GRM4: variants seen among roughly 807,000 people sequenced by gnomAD.
GRM4 encodes glutamate metabotropic receptor 4.
Under a neutral mutation model 81.7 loss-of-function variants are expected in GRM4, and 28 were observed. The ratio of observed to expected loss-of-function variants is 0.34; its 90% CI spans 0.25 to 0.47. The LOEUF (loss-of-function observed/expected upper bound fraction) is 0.47. Among genes scored for constraint, GRM4 ranks in the 20% least tolerant of loss-of-function variants. The pLI is 1.00. For synonymous variants in GRM4, 488 were observed against 528.8 expected (o/e 0.92, Z 1.06); for missense variants, 948 against 1,290.0 (o/e 0.73, Z 4.06).
At chr6:34,134,761 G>T (rs973359206) in intron 1 of GRM4, among the ~76,000 whole-genome samples, 1 of 151,076 alleles carries the variant, frequency 6.6e-6, no homozygotes, top group African/African-American at 2.4e-5. Flanking sequence ...AGCGGGGCTC[G>T]GGTTATGGCC....
chr6:34,103,700 T>C (rs1768968596), intron 2 of GRM4: 2 of 1,528,384 alleles, frequency 1.3e-6, no homozygotes, highest in African/African-American at 1.4e-5. Flanking sequence ...GGCACAGCCA[T>C]GCCCCCTTTT....
intron 10 of GRM4, among the ~76,000 whole-genome samples, chr6:34,025,686 C>T (rs1449167704): frequency 1.3e-5 from 2 of 152,136 alleles, no homozygotes; most frequent in Admixed American, 6.6e-5. Context: ...AAAGGTTCAC[C>T]GGAAGTCAGG....
At chr6:34,154,025 G>A (rs1771098121) in intron 1 of GRM4, among the ~76,000 whole-genome samples, 2 of 152,174 alleles carry the variant, frequency 1.3e-5, no homozygotes, top group South Asian at 4.1e-4. Flanking sequence ...GACTGTCTGT[G>A]GGTGCGGGCT....
At chr6:34,041,118 G>A (rs1269441007) in intron 6 of GRM4, among the ~76,000 whole-genome samples, 3 of 152,044 alleles carry the variant, frequency 2.0e-5, no homozygotes, top group Non-Finnish European at 4.4e-5. Flanking sequence ...CCTGGCCTGG[G>A]ATAATCTTGA....
chr6:34,118,865 T>A (rs1299170239), intron 2 of GRM4, among the ~76,000 whole-genome samples: 1 of 152,200 alleles, frequency 6.6e-6, no homozygotes. Context: ...ACATCTTCAG[T>A]AAACATTTAC....
chr6:34,023,306 T>TA (rs1478992303), intron 10 of GRM4, among the ~76,000 whole-genome samples: 5 of 152,202 alleles, frequency 3.3e-5, no homozygotes, highest in Non-Finnish European at 7.3e-5. Flanking sequence ...CATATAACCT[T>TA]AAAATATTAT....
At chr6:34,105,745 C>T (rs557342213) in intron 2 of GRM4, among the ~76,000 whole-genome samples, 65 of 152,284 alleles carry the variant, frequency 4.3e-4, no homozygotes, top group Non-Finnish European at 9.4e-4. Context: ...CAATGGGTGT[C>T]GCAAATTCAG....
intron 2 of GRM4, among the ~76,000 whole-genome samples, chr6:34,102,356 G>C (rs1288166221): frequency 1.3e-5 from 2 of 152,164 alleles, no homozygotes; most frequent in Non-Finnish European, 2.9e-5. Flanking sequence ...GCCACTCCCA[G>C]CTTGGCCTCA....
intron 10 of GRM4, among the ~76,000 whole-genome samples, chr6:34,026,108 C>G (rs1011280652): frequency 1.8e-4 from 28 of 152,212 alleles, no homozygotes; most frequent in African/African-American, 6.5e-4. Context: ...CCGTTTGTCA[C>G]CCCTTGTCTC....
rs1770211559 is a variant in GRM4, at chr6:34,130,999, C to T, written c.519+1979G>A. On this transcript the variant is annotated intron_variant, in intron 2 of 10. Coordinates refer to ENST00000538487, the MANE Select transcript of GRM4 (RefSeq NM_000841.4). This position sits in a 1 kb window ranked among gnomAD's most constrained non-coding sequence, Gnocchi z 4.1. ...AGGCTTGTCCCCTCTGCTGGATGGC[C>T]CAGGCTGCCTCAGCTCCCAGGCCAG... Among the ~76,000 whole-genome samples, 3 of 152,226 alleles carry T rather than the reference C, an allele frequency of 2.0e-5. No homozygotes were observed. The South Asian group carries it at 6.2e-4, about 31-fold the overall frequency.
intron 2 of GRM4, among the ~76,000 whole-genome samples, chr6:34,128,363 C>CTTTTTTT: frequency 6.9e-6 from 1 of 145,188 alleles, no homozygotes; most frequent in East Asian, 2.0e-4. Flanking sequence ...GACCTTAACT[C>CTTTTTTT]TTTTTTTTTT....
intron 2 of GRM4, chr6:34,103,953 G>A: frequency 1.1e-6 from 1 of 875,438 alleles, no homozygotes; most frequent in Non-Finnish European, 1.5e-6. Flanking sequence ...TCACACACAG[G>A]AGGTGCGACA....
chr6:34,118,769 T>C (rs527387707), intron 2 of GRM4, among the ~76,000 whole-genome samples: 13 of 152,312 alleles, frequency 8.5e-5, no homozygotes, highest in Admixed American at 5.9e-4. Context: ...ACATAAAATA[T>C]GCATTTTTTA....
At chr6:34,144,986 G>A (rs1298370138) in intron 1 of GRM4, among the ~76,000 whole-genome samples, 1 of 151,894 alleles carries the variant, frequency 6.6e-6, no homozygotes. Context: ...GGAGCTCGCC[G>A]GAGGCCACCT....
chr6:34,105,567 T>C (rs1873248), intron 2 of GRM4, among the ~76,000 whole-genome samples: 6,913 of 152,056 alleles, frequency 0.045, 401 homozygotes, highest in African/African-American at 0.14. Flanking sequence ...ACCCTGGTGG[T>C]CCCCAGGGCT....
intron 10 of GRM4, among the ~76,000 whole-genome samples, chr6:34,025,009 G>C (rs1263150338): frequency 1.3e-5 from 2 of 152,160 alleles, no homozygotes; most frequent in Non-Finnish European, 2.9e-5. Context: ...GGGATGGCAG[G>C]TGCTGAGAGG....
In GRM4 at chr6:34,022,539, G is replaced by A. The variant is rs1180823150; in HGVS notation, c.*282C>T. ...AGAGATCTAGCACTGGGGCCCACAC[G>A]ACCTGAGCCCCTGTGGTTTGGGGCC... On this transcript the variant is annotated 3_prime_UTR_variant, in exon 11 of 11. Transcript: ENST00000538487. The surrounding 1 kb of genome is among the most constrained non-coding windows in gnomAD (Gnocchi z 5.6). 5 of 505,392 alleles carry A rather than the reference G, an allele frequency of 9.9e-6. No individual in the cohort carries two copies. Among genetic ancestry groups the A allele is most frequent in the East Asian group, 3.4e-5 (1 of 29,128 alleles). The allele number at this position is 505,392 out of a possible 1,614,324, so 31.3% of individuals were successfully genotyped here. A position where few individuals can be genotyped will look rare whatever the true frequency, so the allele number is the denominator to read the frequency against.
intron 2 of GRM4, chr6:34,100,198 C>T (rs968310883): frequency 9.1e-6 from 2 of 219,704 alleles, no homozygotes; most frequent in Non-Finnish European, 7.7e-6. Context: ...CAGCCTTCTT[C>T]CTGGCAGCTG....
chr6:34,124,412 T>G (rs544723349), intron 2 of GRM4, among the ~76,000 whole-genome samples: 1 of 152,298 alleles, frequency 6.6e-6, no homozygotes, highest in Non-Finnish European at 1.5e-5. Flanking sequence ...ACTCCTTGCT[T>G]TGTGATTCTG....
Sources: gnomAD v4.1 joint callset for allele counts (sites outside exome capture counted in the v4.1 genomes callset) on GRCh38, gnomAD v4.1.1 for gene constraint, Gnocchi (gnomAD v3.1) non-coding constraint, MANE v1.5 for transcripts, NCBI Gene and HGNC (gene_info 2026-07-23, HGNC 2026-07-21) for gene names.